Variants in KNTC1 observed in about 807,000 individuals in gnomAD.
The protein encoded by KNTC1 is kinetochore-associated protein 1.
In KNTC1, 253 loss-of-function variants were observed where a neutral mutation model predicts 314.4. The ratio of observed to expected loss-of-function variants is 0.80; its 90% CI spans 0.73 to 0.89. The LOEUF (loss-of-function observed/expected upper bound fraction) is 0.89. KNTC1 is among the 40% of genes least tolerant of loss of function. The probability of loss-of-function intolerance (pLI) is 0.00; values close to 1 mark genes in which losing one functional copy is unlikely to be tolerated. For missense variants in KNTC1, 2,475 were observed against 2,572.9 expected (o/e 0.96, Z 0.82); for synonymous variants, 901 against 901.4 (o/e 1.00, Z 0.01).
At chr12:122,586,661 A>G (rs1444337562) in intron 37 of KNTC1, 40 bp from the exon 38 acceptor site, 3 of 1,039,602 alleles carry the variant, frequency 2.9e-6, no homozygotes, top group Admixed American at 2.7e-5. Context: ...TAGTGTGGCC[A>G]TCTATTTAGT....
chr12:122,547,605 A>T, intron 11 of KNTC1, 75 bp downstream of exon 11: 1 of 953,600 alleles, frequency 1.0e-6, no homozygotes, highest in Non-Finnish European at 1.6e-6. Context: ...TGTTCAGGTC[A>T]TTTATTATGT....
intron 2 of KNTC1, among the ~76,000 whole-genome samples, chr12:122,533,714 A>T (rs1961567165): frequency 6.6e-6 from 1 of 152,166 alleles, no homozygotes; most frequent in Non-Finnish European, 1.5e-5. Flanking sequence ...AGAAAAAAAT[A>T]AGGTAGAAGA....
chr12:122,619,395 C>A (rs1457118223), intron 59 of KNTC1, among the ~76,000 whole-genome samples: 1 of 148,548 alleles, frequency 6.7e-6, no homozygotes, highest in East Asian at 2.0e-4. Context: ...AGATGTGAGG[C>A]ACTGCGCCCA....
chr12:122,615,853 A>G (rs979781627), intron 57 of KNTC1, among the ~76,000 whole-genome samples: 1 of 152,102 alleles, frequency 6.6e-6, no homozygotes, highest in African/African-American at 2.4e-5. Context: ...TTGTGCCCGG[A>G]CCCGTTAATA....
Position 122,618,417 on chromosome 12 carries a change from A to G in KNTC1, c.6085+20A>G, listed in dbSNP as rs750013140. 1.2e-6 allele frequency: 2 copies of G among 1,612,854 alleles called. No homozygotes were observed. The highest frequency in any genetic ancestry group is 2.7e-5 in the African/African-American group (2 of 74,636). On this transcript the variant is annotated intron_variant, in intron 58 of 63. Transcript: ENST00000333479. ...TTTCAGGTATTTCGCTCTCTGAAAC[A>G]TTGGCTACAGCATTTTATAGTTGAG...
intron 45 of KNTC1, 100 bp from the exon 46 acceptor site, chr12:122,602,469 C>T: frequency 1.5e-6 from 1 of 685,942 alleles, no homozygotes; most frequent in Non-Finnish European, 2.4e-6. Context: ...ACAAGATGGT[C>T]TCAGGAATGG....
In KNTC1 at chr12:122,618,371, G is replaced by A. The variant is rs375343576; in HGVS notation, c.6059G>A (p.Arg2020His). Residue 2020 changes from arginine to histidine, a missense_variant, in exon 58 of 64, where the codon CGT (arginine) becomes CAT (histidine). Transcript: ENST00000333479. ...CCCTACTTCAGCAAAGCGTGGCAGC[G>A]TGTGATACAGATACCACTGCTTTCA... ...QVPYFSKAWQ[R>H]VIQIPLLSAS... 1.6e-4 allele frequency: 258 copies of A among 1,613,752 alleles called. No homozygotes were observed. The highest frequency in any genetic ancestry group is 2.1e-4 in the Non-Finnish European group (245 of 1,179,768).
At chr12:122,531,622 A>G (rs1229458261) in intron 2 of KNTC1, among the ~76,000 whole-genome samples, 1 of 152,230 alleles carries the variant, frequency 6.6e-6, no homozygotes, top group Non-Finnish European at 1.5e-5. Flanking sequence ...GTCATTATTT[A>G]TTAGAGGCAA....
chr12:122,566,578 T>G (rs1389858621), intron 20 of KNTC1, among the ~76,000 whole-genome samples: 1 of 151,552 alleles, frequency 6.6e-6, no homozygotes, highest in Non-Finnish European at 1.5e-5. Flanking sequence ...TCTGGCTAAT[T>G]TTTGTAGTTT....
intron 44 of KNTC1, 122 bp downstream of exon 44, chr12:122,598,060 A>G: frequency 2.8e-6 from 2 of 704,656 alleles, no homozygotes; most frequent in Non-Finnish European, 4.7e-6. Context: ...AATTTGAAAT[A>G]TTCTCTTGAT....
At position 122,622,506 on chromosome 12, in the gene KNTC1, T is replaced by G; in HGVS notation, c.6414T>G (p.Phe2138Leu). ...ATAATATCATCAATAAGAAGGAGTT[T>G]GGGATTTTGGCAAAGACCAAATACT... is the stretch of plus-strand genomic sequence containing the variant. ...ILNNIINKKE[F>L]GILAKTKYFQ... The change falls in exon 62 of 64, where the codon TTT becomes TTG. Residue 2138 changes from phenylalanine (F) to leucine (L), a missense_variant. Physicochemically the swap from Phe to Leu is conservative, Grantham distance 22. Transcript: ENST00000333479. 6.3e-7 allele frequency: 1 copy of G among 1,583,134 alleles called. No homozygotes were observed. Among genetic ancestry groups the G allele is most frequent in the Non-Finnish European group, 8.6e-7 (1 of 1,162,576 alleles).
At chr12:122,568,928 C>T (rs1964511709) in intron 21 of KNTC1, among the ~76,000 whole-genome samples, 1 of 152,058 alleles carries the variant, frequency 6.6e-6, no homozygotes, top group Non-Finnish European at 1.5e-5. Flanking sequence ...ACAGTAGAAC[C>T]TTATTTTATC....
intron 44 of KNTC1, among the ~76,000 whole-genome samples, chr12:122,600,033 A>G (rs1423217688): frequency 6.6e-6 from 1 of 152,044 alleles, no homozygotes; most frequent in Non-Finnish European, 1.5e-5. Flanking sequence ...ATAAAAAGGA[A>G]AAAAGTAATG....
chr12:122,566,726 T>A (rs1964368059), intron 20 of KNTC1, among the ~76,000 whole-genome samples: 1 of 150,670 alleles, frequency 6.6e-6, no homozygotes, highest in Non-Finnish European at 1.5e-5. Flanking sequence ...ATATTTTTAG[T>A]TGAGACGGAT....
At chr12:122,574,473 T>C (rs1964894231) in intron 27 of KNTC1, 93 bp downstream of exon 27, 1 of 761,934 alleles carries the variant, frequency 1.3e-6, no homozygotes, top group Non-Finnish European at 2.1e-6. Context: ...TATATTTGTT[T>C]TTGTTTGAGA....
chr12:122,569,908 C>T, intron 22 of KNTC1, 84 bp downstream of exon 22: 4 of 1,098,932 alleles, frequency 3.6e-6, no homozygotes, highest in Non-Finnish European at 5.2e-6. Context: ...CACGTTAACA[C>T]CAGTTAACAC....
intron 53 of KNTC1, 81 bp downstream of exon 53, chr12:122,610,981 T>G (rs1432378635): frequency 1.0e-6 from 1 of 972,542 alleles, no homozygotes; most frequent in East Asian, 2.4e-5. Flanking sequence ...CATGCTTGAT[T>G]GCATTAACAG....
intron 18 of KNTC1, among the ~76,000 whole-genome samples, chr12:122,558,578 A>C (rs551781736): frequency 7.6e-4 from 115 of 151,748 alleles, no homozygotes; most frequent in Non-Finnish European, 1.4e-3. Context: ...TATTAAATTA[A>C]AAGATAAAAC....
intron 53 of KNTC1, 184 bp from the exon 54 acceptor site, chr12:122,612,928 G>T (rs545944563): frequency 4.3e-5 from 24 of 553,718 alleles, no homozygotes; most frequent in Middle Eastern, 4.1e-4. Context: ...TCTCAGGAAT[G>T]CCCCTTCAGG....
Sources: gnomAD v4.1 joint callset for allele counts (sites outside exome capture counted in the v4.1 genomes callset) on GRCh38, gnomAD v4.1.1 for gene constraint, MANE v1.5 for transcripts, NCBI Gene and HGNC (gene_info 2026-07-23, HGNC 2026-07-21) for gene names.